The following ZFHX3 variants were observed in gnomAD, a reference collection of about 807,000 sequenced individuals.
ZFHX3 encodes the protein zinc finger homeobox 3, also known as zinc finger homeobox protein 3.
A neutral mutation model predicts 279.1 loss-of-function variants in ZFHX3; 42 were observed. The ratio of observed to expected loss-of-function variants is 0.15; its 90% CI spans 0.12 to 0.19. ZFHX3 has a LOEUF of 0.19. Ranked by LOEUF, ZFHX3 falls within the 10% of genes least tolerant of loss-of-function variation. ZFHX3 has a pLI of 1.00. For missense variants in ZFHX3, 4,981 were observed against 4,754.0 expected (o/e 1.05, Z -1.40); for synonymous variants, 2,293 against 1,957.8 (o/e 1.17, Z -4.52).
chr16:73,504,937 G>A (rs890226851), intron 2 of ZFHX3: 1 of 151,834 alleles, frequency 6.6e-6, no homozygotes, highest in Non-Finnish European at 1.5e-5. Flanking sequence ...AAAATGAAAT[G>A]AGGAAAAAAA....
chr16:73,849,039 T>C (rs538157546), intron 1 of ZFHX3, among the ~76,000 whole-genome samples: 1 of 152,372 alleles, frequency 6.6e-6, no homozygotes, highest in African/African-American at 2.4e-5. Flanking sequence ...TGTTAACAAC[T>C]GCTGGATGTA....
Position 73,272,594 on chromosome 16 carries a change from G to A in ZFHX3, c.-1193-15458C>T, listed in dbSNP as rs193135960. Among the ~76,000 whole-genome samples, 18 of 152,240 alleles carry A rather than the reference G, an allele frequency of 1.2e-4. No individual in the cohort carries two copies. In the East Asian group the frequency reaches 2.3e-3, roughly 20 times the overall value. ...GACACAAAACAAATAAAACACAACC[G>A]CTGCCCTCAAAGAACCTAGCGTTAT... is the stretch of plus-strand genomic sequence containing the variant. On this transcript the variant is annotated intron_variant, in intron 4 of 17. Transcript: ENST00000641206.
At chr16:73,713,527 G>A (rs760000281) in intron 1 of ZFHX3, among the ~76,000 whole-genome samples, 1 of 152,072 alleles carries the variant, frequency 6.6e-6, no homozygotes, top group Non-Finnish European at 1.5e-5. Flanking sequence ...TGGCGCAGCA[G>A]CATTCGGAAT....
At chr16:73,855,502 A>AGAGGAG (rs35145538) in intron 1 of ZFHX3, among the ~76,000 whole-genome samples, 8 of 150,984 alleles carry the variant, frequency 5.3e-5, no homozygotes, top group East Asian at 1.9e-4. Flanking sequence ...GGTTTTTTCC[A>AGAGGAG]GAGGAGGAGG....
intron 5 of ZFHX3, among the ~76,000 whole-genome samples, chr16:73,168,349 A>G (rs1440645042): frequency 6.6e-6 from 1 of 150,502 alleles, no homozygotes; most frequent in African/African-American, 2.5e-5. Flanking sequence ...GCAGACTTGA[A>G]CTCCTGGACT....
intron 5 of ZFHX3, among the ~76,000 whole-genome samples, chr16:73,227,535 G>A (rs1377349795): frequency 6.6e-6 from 1 of 152,022 alleles, no homozygotes; most frequent in Middle Eastern, 3.2e-3. Context: ...ATTACAGAGA[G>A]GTAGGCTTAT....
chr16:73,557,333 C>G (rs1379693333), intron 2 of ZFHX3, among the ~76,000 whole-genome samples: 5 of 152,096 alleles, frequency 3.3e-5, no homozygotes, highest in Non-Finnish European at 7.4e-5. Flanking sequence ...CCTTGTGTTA[C>G]AGGAAACTAG....
At chr16:73,652,320 A>C (rs2052679957) in intron 2 of ZFHX3, among the ~76,000 whole-genome samples, 1 of 152,198 alleles carries the variant, frequency 6.6e-6, no homozygotes, top group Non-Finnish European at 1.5e-5. Context: ...TAGGGAAAGA[A>C]AAATAAGATG....
At chr16:73,262,694 C>T (rs950624547) in intron 4 of ZFHX3, among the ~76,000 whole-genome samples, 2 of 152,122 alleles carry the variant, frequency 1.3e-5, no homozygotes, top group Non-Finnish European at 2.9e-5. Context: ...CTCCTCTTAT[C>T]AAGAAAAAGA....
intron 3 of ZFHX3, among the ~76,000 whole-genome samples, chr16:73,339,925 C>A (rs1014776915): frequency 1.3e-5 from 2 of 152,182 alleles, no homozygotes; most frequent in African/African-American, 4.8e-5. Context: ...CAGTGCTCGA[C>A]AAACCCAGCA....
At chr16:73,151,338 A>G (rs1163855986) in intron 5 of ZFHX3, among the ~76,000 whole-genome samples, 2 of 152,272 alleles carry the variant, frequency 1.3e-5, no homozygotes, top group Non-Finnish European at 2.9e-5. Context: ...CAGGCATCTC[A>G]GAGGGGAAAG....
intron 3 of ZFHX3, among the ~76,000 whole-genome samples, chr16:73,416,122 CAAA>C (rs1234376040): frequency 1.3e-5 from 1 of 74,834 alleles, no homozygotes; most frequent in Non-Finnish European, 3.3e-5. Context: ...GACTCCATCT[CAAA>C]AAAAAAAAAA....
chr16:72,940,105 T>C (rs1027048970), intron 3 of ZFHX3, among the ~76,000 whole-genome samples: 1 of 151,840 alleles, frequency 6.6e-6, no homozygotes, highest in African/African-American at 2.4e-5. Flanking sequence ...AGAGACAGGG[T>C]CTGTTTATGT....
intron 2 of ZFHX3, among the ~76,000 whole-genome samples, chr16:73,623,500 G>C (rs75342591): frequency 0.023 from 3,469 of 152,192 alleles, 131 homozygotes; most frequent in African/African-American, 0.079. Flanking sequence ...TATAAAACAG[G>C]CAAGTATTGA....
intron 3 of ZFHX3, among the ~76,000 whole-genome samples, chr16:72,944,048 G>A (rs533251538): frequency 3.3e-5 from 5 of 152,270 alleles, no homozygotes; most frequent in South Asian, 2.1e-4. Context: ...TTGGGAGGCC[G>A]AGGTGGGTGG....
intron 5 of ZFHX3, among the ~76,000 whole-genome samples, chr16:73,189,136 A>G (rs779352584): frequency 5.9e-5 from 9 of 152,168 alleles, no homozygotes; most frequent in Non-Finnish European, 8.8e-5. Context: ...TGCTGGGATT[A>G]CAGGCATGAG....
chr16:73,624,827 G>A (rs2052400654), intron 2 of ZFHX3, among the ~76,000 whole-genome samples: 2 of 152,138 alleles, frequency 1.3e-5, no homozygotes, highest in Admixed American at 6.5e-5. Flanking sequence ...TCCAGGTAGT[G>A]AGGCCAGATG....
At chr16:73,498,067 T>C (rs1029854657) in intron 2 of ZFHX3, among the ~76,000 whole-genome samples, 4 of 152,246 alleles carry the variant, frequency 2.6e-5, no homozygotes, top group South Asian at 2.1e-4. Flanking sequence ...CCATTGCTTA[T>C]ATTTTTTGGT....
chr16:73,472,845 C>A (rs1302713732), intron 2 of ZFHX3, among the ~76,000 whole-genome samples: 2 of 152,166 alleles, frequency 1.3e-5, no homozygotes, highest in African/African-American at 4.8e-5. Context: ...CTCGCCCAGC[C>A]CAGAAGCATG....
Sources: gnomAD v4.1 joint callset for allele counts (sites outside exome capture counted in the v4.1 genomes callset) on GRCh38, gnomAD v4.1.1 for gene constraint, MANE v1.5 for transcripts, NCBI Gene and HGNC (gene_info 2026-07-23, HGNC 2026-07-21) for gene names.